The following KLRD1 variants were observed in gnomAD, a reference collection of about 807,000 sequenced individuals.
KLRD1 encodes killer cell lectin like receptor D1.
In KLRD1, 21 loss-of-function variants were observed where a neutral mutation model predicts 22.6. The observed-to-expected ratio is 0.93, with a 90% CI of 0.66 to 1.34. The LOEUF is 1.34. Among genes scored for constraint, KLRD1 ranks in the 40% most tolerant of loss-of-function variants. The pLI is 0.00. For synonymous variants in KLRD1, 59 were observed against 71.1 expected (o/e 0.83, Z 0.85); for missense variants, 183 against 208.6 (o/e 0.88, Z 0.76).
chr12:10,303,745 A>G (rs567323945), upstream of KLRD1, among the ~76,000 whole-genome samples: 90 of 152,316 alleles, frequency 5.9e-4, no homozygotes, highest in African/African-American at 2.1e-3. Context: ...TTTTTCTGGC[A>G]TGCATCCCCA....
chr12:10,244,472 A>G (rs539335093), intron 1 of KLRD1, among the ~76,000 whole-genome samples: 95 of 152,318 alleles, frequency 6.2e-4, no homozygotes, highest in African/African-American at 2.1e-3. Flanking sequence ...TTCATTTCCA[A>G]TAAACTCAGT....
At chr12:10,288,983 T>C (rs535968997) in intron 1 of KLRD1, among the ~76,000 whole-genome samples, 1 of 152,286 alleles carries the variant, frequency 6.6e-6, no homozygotes, top group Non-Finnish European at 1.5e-5. Flanking sequence ...TATTCTGAGT[T>C]AGGGCATCCT....
At chr12:10,296,497 C>T (rs998500596) in intron 1 of KLRD1, among the ~76,000 whole-genome samples, 2 of 152,142 alleles carry the variant, frequency 1.3e-5, no homozygotes, top group South Asian at 4.2e-4. Context: ...GCCTGGGCGA[C>T]ACAGCGAGAC....
Position 10,313,527 on chromosome 12 carries a change from A to T in KLRD1, c.419+14A>T. ...CTCCCAGTATCTGTAAGTTTCTGGCAATCATGGCGTTTTTTGCTCTTTATG... is the reference window on the plus strand; with the variant it reads ...CTCCCAGTATCTGTAAGTTTCTGGCTATCATGGCGTTTTTTGCTCTTTATG... On this transcript the variant is annotated intron_variant, in intron 5 of 5. Coordinates refer to ENST00000336164, the MANE Select transcript of KLRD1 (RefSeq NM_002262.5). 6.8e-7 allele frequency: 1 copy of T among 1,473,302 alleles called. No individual in the cohort carries two copies. Among genetic ancestry groups the T allele is most frequent in the East Asian group, 2.4e-5 (1 of 41,434 alleles). 91.3% of individuals were successfully genotyped at this position (1,473,302 alleles called of 1,614,324 possible).
At chr12:10,311,133 T>C (rs1950057867) in intron 3 of KLRD1, among the ~76,000 whole-genome samples, 1 of 152,226 alleles carries the variant, frequency 6.6e-6, no homozygotes, top group East Asian at 1.9e-4. Context: ...CAAAAAAAGG[T>C]TCTTGTAACT....
intron 4 of KLRD1, among the ~76,000 whole-genome samples, chr12:10,312,602 T>A (rs2137712176): frequency 6.8e-6 from 1 of 147,910 alleles, no homozygotes; most frequent in Middle Eastern, 3.5e-3. Context: ...ATGGTCTCGA[T>A]CTTCTGACCT....
At chr12:10,306,270 G>A (rs962533604), upstream of KLRD1, among the ~76,000 whole-genome samples, 8 of 152,154 alleles carry the variant, frequency 5.3e-5, no homozygotes, top group Non-Finnish European at 8.8e-5. Flanking sequence ...GTGTATGTGT[G>A]TGTGTGTGTG....
chr12:10,267,426 T>G (rs1470153014), intron 1 of KLRD1, among the ~76,000 whole-genome samples: 1 of 152,214 alleles, frequency 6.6e-6, no homozygotes, highest in East Asian at 1.9e-4. Context: ...AATAAAAAAA[T>G]TTCACTAAAT....
At chr12:10,246,694 T>A (rs1949294199) in intron 1 of KLRD1, among the ~76,000 whole-genome samples, 1 of 152,152 alleles carries the variant, frequency 6.6e-6, no homozygotes, top group Non-Finnish European at 1.5e-5. Flanking sequence ...TTGAAGAACA[T>A]GTCATTTGTC....
chr12:10,263,557 A>G (rs1949472957), intron 1 of KLRD1, among the ~76,000 whole-genome samples: 2 of 152,086 alleles, frequency 1.3e-5, no homozygotes, highest in Non-Finnish European at 2.9e-5. Context: ...GGGAGACTTG[A>G]CATGAATTGT....
At chr12:10,267,444 A>G (rs888631249) in intron 1 of KLRD1, among the ~76,000 whole-genome samples, 2 of 152,202 alleles carry the variant, frequency 1.3e-5, no homozygotes, top group Non-Finnish European at 2.9e-5. Flanking sequence ...AATATTTACA[A>G]TGTGTCAACA....
chr12:10,308,007 A>C lies in KLRD1; in HGVS notation c.-71A>C. On this transcript the variant is annotated 5_prime_UTR_variant, in exon 1 of 6. Coordinates refer to ENST00000336164, the MANE Select transcript of KLRD1 (RefSeq NM_002262.5). ...TTTAATCTCCAGCTCAGCTTCAACA[A>C]TTCAACGCTGTTCTTTCTGAAAAAG... 7.0e-7 allele frequency: 1 copy of C among 1,419,150 alleles called. No homozygotes were observed. The highest frequency in any genetic ancestry group is 1.0e-6 in the Non-Finnish European group (1 of 1,004,926). 87.9% of individuals were successfully genotyped at this position (1,419,150 alleles called of 1,614,324 possible). A position where few individuals can be genotyped will look rare whatever the true frequency, so the allele number is the denominator to read the frequency against.
At chr12:10,246,589 G>A in intron 1 of KLRD1, among the ~76,000 whole-genome samples, 1 of 152,102 alleles carries the variant, frequency 6.6e-6, no homozygotes. Flanking sequence ...AGTAATATAT[G>A]TTGGCATACA....
At chr12:10,248,805 C>T (rs909585714) in intron 1 of KLRD1, among the ~76,000 whole-genome samples, 4 of 151,872 alleles carry the variant, frequency 2.6e-5, no homozygotes, top group African/African-American at 9.7e-5. Flanking sequence ...ACCATGTTGT[C>T]TAGGCTGGTC....
At chr12:10,240,821 A>G (rs1346910346) in intron 1 of KLRD1, among the ~76,000 whole-genome samples, 1 of 152,228 alleles carries the variant, frequency 6.6e-6, no homozygotes, top group Non-Finnish European at 1.5e-5. Context: ...GGGATTCACT[A>G]TGGTGACTAG....
At chr12:10,267,918 G>A (rs1430784369) in intron 1 of KLRD1, among the ~76,000 whole-genome samples, 1 of 152,154 alleles carries the variant, frequency 6.6e-6, no homozygotes, top group East Asian at 1.9e-4. Flanking sequence ...AGGCTGGTTC[G>A]GGAGAAAGGG....
At chr12:10,260,189 C>T (rs571234928) in intron 1 of KLRD1, among the ~76,000 whole-genome samples, 5 of 151,854 alleles carry the variant, frequency 3.3e-5, no homozygotes, top group African/African-American at 1.2e-4. Flanking sequence ...AGATGATTGC[C>T]TCTGAGGATA....
chr12:10,243,571 G>A (rs1354104936), intron 1 of KLRD1, among the ~76,000 whole-genome samples: 4 of 115,532 alleles, frequency 3.5e-5, no homozygotes, highest in Middle Eastern at 8.2e-3. Flanking sequence ...CCAAGGTCAC[G>A]CCACTCACTC....
At chr12:10,288,515 A>T (rs1949733131) in intron 1 of KLRD1, among the ~76,000 whole-genome samples, 2 of 152,212 alleles carry the variant, frequency 1.3e-5, no homozygotes, top group African/African-American at 4.8e-5. Context: ...AAGGTTAGTG[A>T]GACTCAGCTT....
Sources: gnomAD v4.1 joint callset for allele counts (sites outside exome capture counted in the v4.1 genomes callset) on GRCh38, gnomAD v4.1.1 for gene constraint, MANE v1.5 for transcripts, NCBI Gene and HGNC (gene_info 2026-07-23, HGNC 2026-07-21) for gene names.